Variants in CABCOCO1 observed in about 807,000 individuals in gnomAD.
The protein encoded by CABCOCO1 is ciliary associated calcium binding coiled-coil 1.
In CABCOCO1, 28 loss-of-function variants were observed where a neutral mutation model predicts 35.7. That is an observed-to-expected ratio of 0.78 (90% CI 0.58 to 1.07). The LOEUF (loss-of-function observed/expected upper bound fraction) is 1.07, where lower values mean the gene tolerates loss of function less well. Among genes scored for constraint, CABCOCO1 ranks in the 50% least tolerant of loss-of-function variants. The pLI, the probability that CABCOCO1 is intolerant of heterozygous loss-of-function variation, is 0.00. For missense variants in CABCOCO1, 326 were observed against 309.2 expected, an observed-to-expected ratio of 1.05 and a Z score of -0.41; for synonymous variants, 95 against 100.1, an observed-to-expected ratio of 0.95 and a Z score of 0.30.
chr10:61,756,863 A>G (rs926331650), intron 5 of CABCOCO1, among the ~76,000 whole-genome samples: 7 of 151,868 alleles, frequency 4.6e-5, no homozygotes, highest in African/African-American at 1.7e-4. Flanking sequence ...TTATTTTTCC[A>G]GATTTAAGAG....
At chr10:61,670,299 G>A (rs1343124328) in intron 1 of CABCOCO1, among the ~76,000 whole-genome samples, 3 of 151,708 alleles carry the variant, frequency 2.0e-5, no homozygotes, top group East Asian at 3.9e-4. Context: ...CAAAAACTGG[G>A]TGCATTTAAT....
intron 3 of CABCOCO1, among the ~76,000 whole-genome samples, chr10:61,685,664 C>T (rs1313513511): frequency 2.6e-5 from 4 of 152,080 alleles, no homozygotes; most frequent in Non-Finnish European, 4.4e-5. Flanking sequence ...AGGCTCAAGC[C>T]ATCCTCCCAA....
chr10:61,676,304 A>G (rs1002805574), intron 2 of CABCOCO1, among the ~76,000 whole-genome samples: 1 of 152,226 alleles, frequency 6.6e-6, no homozygotes, highest in Non-Finnish European at 1.5e-5. Context: ...TTAAACAACA[A>G]AAAACTGCCA....
chr10:61,734,653 G>T (rs1841376284), intron 5 of CABCOCO1, among the ~76,000 whole-genome samples: 4 of 152,064 alleles, frequency 2.6e-5, no homozygotes. Flanking sequence ...ATGGGAAGGA[G>T]AAAACATTGG....
intron 5 of CABCOCO1, among the ~76,000 whole-genome samples, chr10:61,716,778 C>CTTTAT (rs1564545762): frequency 1.3e-5 from 2 of 151,784 alleles, no homozygotes; most frequent in African/African-American, 2.4e-5. Context: ...ATACCTCTCT[C>CTTTAT]AAACTGCCTT....
chr10:61,705,208 A>G (rs975427400), intron 5 of CABCOCO1, among the ~76,000 whole-genome samples: 46 of 152,090 alleles, frequency 3.0e-4, no homozygotes, highest in African/African-American at 1.1e-3. Flanking sequence ...GACTCCCTGT[A>G]CTCTTTGGCT....
At chr10:61,697,552 CAATT>C (rs1237081726) in intron 5 of CABCOCO1, among the ~76,000 whole-genome samples, 7 of 151,868 alleles carry the variant, frequency 4.6e-5, no homozygotes, top group African/African-American at 1.7e-4. Flanking sequence ...TTTATACTAA[CAATT>C]AATATGGCTT....
At chr10:61,683,394 T>TA (rs1360311477) in intron 3 of CABCOCO1, among the ~76,000 whole-genome samples, 4 of 150,886 alleles carry the variant, frequency 2.7e-5, no homozygotes, top group South Asian at 2.1e-4. Context: ...ACCCCATATC[T>TA]AAAAAAAAAT....
intron 5 of CABCOCO1, among the ~76,000 whole-genome samples, chr10:61,710,179 G>T (rs1840695108): frequency 6.6e-6 from 1 of 151,740 alleles, no homozygotes; most frequent in South Asian, 2.1e-4. Flanking sequence ...TTTATTCTGT[G>T]CCACAGATTC....
intron 5 of CABCOCO1, among the ~76,000 whole-genome samples, chr10:61,717,654 T>A (rs189867121): frequency 1.3e-5 from 2 of 152,278 alleles, no homozygotes; most frequent in Admixed American, 6.5e-5. Flanking sequence ...GCGATCTATT[T>A]GAAAAGATAA....
At chr10:61,691,465 G>A (rs1425280152) in intron 5 of CABCOCO1, among the ~76,000 whole-genome samples, 1 of 151,908 alleles carries the variant, frequency 6.6e-6, no homozygotes, top group Non-Finnish European at 1.5e-5. Flanking sequence ...ATTCTGAGTA[G>A]GAAAACATGT....
At chr10:61,673,434 A>G (rs1337339474) in intron 2 of CABCOCO1, among the ~76,000 whole-genome samples, 1 of 152,102 alleles carries the variant, frequency 6.6e-6, no homozygotes, top group Non-Finnish European at 1.5e-5. Flanking sequence ...GTGTGTAGAG[A>G]GTGGGGATGA....
At chr10:61,748,031 G>A (rs1008001574) in intron 5 of CABCOCO1, among the ~76,000 whole-genome samples, 2 of 152,056 alleles carry the variant, frequency 1.3e-5, no homozygotes, top group African/African-American at 4.8e-5. Context: ...CACCTAGCAT[G>A]GACACTTTTT....
intron 5 of CABCOCO1, among the ~76,000 whole-genome samples, chr10:61,695,883 A>G (rs1159498700): frequency 6.6e-6 from 1 of 152,036 alleles, no homozygotes; most frequent in East Asian, 1.9e-4. Flanking sequence ...TTTTTAGATC[A>G]AAAAAATAAG....
Position 61,679,326 on chromosome 10 carries a change from T to TATCTATATC in CABCOCO1, c.165-1811_165-1810insATCATCTAT, listed in dbSNP as rs1839631274. On this transcript the variant is annotated intron_variant, in intron 2 of 7. Coordinates refer to ENST00000648843, the MANE Select transcript of CABCOCO1 (RefSeq NM_001366906.2). Reference sequence around the variant, plus strand: ...ATATCTATATCTATATCTATATCTATATCTATCTATATCTATCTATCTATC... The same window carrying TATCTATATC: ...ATATCTATATCTATATCTATATCTATATCTATATCATCTATCTATATCTATCTATCTATC... 7.5e-5 allele frequency among the ~76,000 whole-genome samples: 8 copies of TATCTATATC among 106,912 alleles called. No homozygotes were observed. The South Asian group carries it at 2.2e-3, about 29-fold the overall frequency. 70.1% of individuals were successfully genotyped at this position (106,912 alleles called of 152,430 possible). A position where few individuals can be genotyped will look rare whatever the true frequency, so the allele number is the denominator to read the frequency against.
intron 5 of CABCOCO1, among the ~76,000 whole-genome samples, chr10:61,753,220 T>C (rs919477491): frequency 3.9e-5 from 6 of 152,122 alleles, no homozygotes; most frequent in Admixed American, 6.6e-5. Context: ...CAATTTTAAA[T>C]AGAACGCTCT....
intron 5 of CABCOCO1, among the ~76,000 whole-genome samples, chr10:61,751,487 C>G (rs1564556015): frequency 6.6e-6 from 1 of 152,148 alleles, no homozygotes; most frequent in East Asian, 1.9e-4. Flanking sequence ...AGTCCAGTAA[C>G]TGAGAAGCTG....
intron 5 of CABCOCO1, among the ~76,000 whole-genome samples, chr10:61,697,805 A>G (rs1840335494): frequency 6.6e-6 from 1 of 152,106 alleles, no homozygotes; most frequent in Non-Finnish European, 1.5e-5. Context: ...GAGTGACTTC[A>G]TCTGGGTTTT....
At chr10:61,691,946 A>T (rs146880544) in intron 5 of CABCOCO1, among the ~76,000 whole-genome samples, 4,803 of 152,284 alleles carry the variant, frequency 0.032, 114 homozygotes, top group Non-Finnish European at 0.046. Flanking sequence ...TACTGCTTCA[A>T]TAAACATATG....
Sources: gnomAD v4.1 joint callset for allele counts (sites outside exome capture counted in the v4.1 genomes callset) on GRCh38, gnomAD v4.1.1 for gene constraint, MANE v1.5 for transcripts, NCBI Gene and HGNC (gene_info 2026-07-23, HGNC 2026-07-21) for gene names.